The following CFAP46 variants were observed in gnomAD, a reference collection of about 807,000 sequenced individuals.
CFAP46 encodes the protein cilia- and flagella-associated protein 46.
Under a neutral mutation model 325.7 loss-of-function variants are expected in CFAP46, and 245 were observed. That is an observed-to-expected ratio of 0.75 (90% CI 0.68 to 0.84). The LOEUF (loss-of-function observed/expected upper bound fraction) is 0.84. CFAP46 is among the 40% of genes least tolerant of loss of function. The pLI is 0.00. For synonymous variants in CFAP46, 1,523 were observed against 1,495.9 expected (o/e 1.02, Z -0.42); for missense variants, 3,346 against 3,543.0 (o/e 0.94, Z 1.41).
intron 35 of CFAP46, among the ~76,000 whole-genome samples, chr10:132,864,579 CCCTG>C (rs1385327012): frequency 7.5e-6 from 1 of 132,468 alleles, no homozygotes; most frequent in Admixed American, 7.3e-5. Flanking sequence ...ACATCTGTCC[CCCTG>C]CCTGAGACCT....
chr10:132,920,965 C>T (rs1161404084), intron 13 of CFAP46, among the ~76,000 whole-genome samples: 1 of 152,232 alleles, frequency 6.6e-6, no homozygotes, highest in Admixed American at 6.5e-5. Context: ...GCAGCTGCTC[C>T]TCAAACTCAT....
rs751175547 is a variant in CFAP46, at chr10:132,833,445, A to G, written c.7030T>C (p.Ser2344Pro). ...HLLELPLEGLSVFDEGTISSV... is the reference protein window; with the variant it reads ...HLLELPLEGLPVFDEGTISSV... ...GAAATTGTCCCTTCATCGAACACAG[A>G]GAGACCTTCCAGTGGCAGCTCCAGG... is the stretch of plus-strand genomic sequence containing the variant. The change falls in exon 50 of 58, where the codon TCT (serine) becomes CCT (proline). Residue 2344 changes from serine to proline, a missense_variant. Ser to Pro is a moderately conservative substitution (Grantham distance 74, BLOSUM62 -1). Coordinates refer to ENST00000368586, the MANE Select transcript of CFAP46 (RefSeq NM_001200049.3). 6.2e-7 allele frequency: 1 copy of G among 1,614,238 alleles called. No individual in the cohort carries two copies. The highest frequency in any genetic ancestry group is 8.5e-7 in the Non-Finnish European group (1 of 1,180,050).
chr10:132,837,142 A>G, intron 44 of CFAP46: 1 of 504,868 alleles, frequency 2.0e-6, no homozygotes, highest in South Asian at 2.8e-5. Context: ...CCAAAATGTC[A>G]TTTCTCTCCG....
At chr10:132,854,089 TG>T (rs1395862499) in intron 39 of CFAP46, among the ~76,000 whole-genome samples, 4 of 152,202 alleles carry the variant, frequency 2.6e-5, no homozygotes, top group African/African-American at 9.6e-5. Flanking sequence ...TTTTGTAAGG[TG>T]CAGGCTGAAG....
At position 132,832,394 on chromosome 10, in the gene CFAP46, C is replaced by CT. The variant is rs201030035; in HGVS notation, c.7117+963_7117+964insA. On this transcript the variant is annotated intron_variant, in intron 50 of 57. Coordinates refer to ENST00000368586, the MANE Select transcript of CFAP46 (RefSeq NM_001200049.3). The surrounding 1 kb of genome is among the most constrained non-coding windows in gnomAD (Gnocchi z 4.1). ...AGACCCCTGGGCTCTTCCTGCCCCCCCCCCCCAATGCTGTGGCCTGGAAAT... is the reference window on the plus strand; with the variant it reads ...AGACCCCTGGGCTCTTCCTGCCCCCCTCCCCCCAATGCTGTGGCCTGGAAAT... Among the ~76,000 whole-genome samples, 83 of 139,562 alleles carry CT rather than the reference C, an allele frequency of 5.9e-4. 4 individuals are homozygous for CT. The East Asian group carries it at 0.018, about 31-fold the overall frequency. The allele number at this position is 139,562 out of a possible 152,430, so 91.6% of individuals were successfully genotyped here.
At chr10:132,885,315 G>C in intron 26 of CFAP46, 29 bp from the exon 27 acceptor site, 3 of 1,521,780 alleles carry the variant, frequency 2.0e-6, no homozygotes, top group South Asian at 1.2e-5. Context: ...AGAAACCAAC[G>C]TCAGGATCGG....
Position 132,876,824 on chromosome 10 carries a change from A to C in CFAP46, c.4350T>G (p.Ser1450Arg), listed in dbSNP as rs1848963440. 2 of 1,549,514 alleles carry C rather than the reference A, an allele frequency of 1.3e-6. No individual in the cohort carries two copies. Among genetic ancestry groups the C allele is most frequent in the East Asian group, 4.9e-5 (2 of 40,914 alleles). Residue 1450 changes from serine to arginine, a missense_variant, in exon 31 of 58, where the codon AGT becomes AGG. Ser to Arg is a moderately radical substitution (Grantham distance 110). Transcript: ENST00000368586. The surrounding 1 kb of genome is among the most constrained non-coding windows in gnomAD (Gnocchi z 4.1). ...TATGTCAACGTACCGGCTTCTGGATACTTGAGGGGTTCACAGTAGAGTCAC... is the reference window on the plus strand; with the variant it reads ...TATGTCAACGTACCGGCTTCTGGATCCTTGAGGGGTTCACAGTAGAGTCAC... ...DRSDSTVNPS[S>R]IQKPTYSLYF...
intron 24 of CFAP46, among the ~76,000 whole-genome samples, chr10:132,898,226 G>A (rs1849343783): frequency 6.6e-6 from 1 of 152,194 alleles, no homozygotes; most frequent in Admixed American, 6.5e-5. Flanking sequence ...CTCCCAGCAG[G>A]GAGCTGCATC....
Position 132,835,290 on chromosome 10 carries a change from C to T in CFAP46, c.6744+14G>A. On this transcript the variant is annotated intron_variant, in intron 47 of 57. Transcript: ENST00000368586. The stretch of plus-strand genomic sequence containing the variant: ...GGGTCCCGGCTGGGTGGCTTGGAGC[C>T]TGGAGGGCCTCACCGAGCCTATGTT... 6.2e-7 allele frequency: 1 copy of T among 1,611,530 alleles called. No homozygotes were observed.
At position 132,876,789 on chromosome 10, in the gene CFAP46, G is replaced by A; in HGVS notation, c.4362+23C>T. 1 of 1,544,944 alleles carries A rather than the reference G, an allele frequency of 6.5e-7. No homozygotes were observed. The highest frequency in any genetic ancestry group is 2.4e-5 in the East Asian group (1 of 40,890). On this transcript the variant is annotated intron_variant, in intron 31 of 57. Coordinates refer to ENST00000368586, the MANE Select transcript of CFAP46 (RefSeq NM_001200049.3). This position sits in a 1 kb window ranked among gnomAD's most constrained non-coding sequence, Gnocchi z 4.1. ...CACCATGCTGTGACCAAGGTCTTGA[G>A]CCTTTTCTTTATGTCAACGTACCGG...
chr10:132,823,210 CTGA>C (rs1460733739), intron 50 of CFAP46, among the ~76,000 whole-genome samples: 30 of 112,372 alleles, frequency 2.7e-4, no homozygotes, highest in African/African-American at 5.7e-4. Context: ...TGTGTGTGTG[CTGA>C]TGTGTGCTGT....
intron 19 of CFAP46, among the ~76,000 whole-genome samples, chr10:132,912,414 ATC>A (rs202173092): frequency 0.01 from 627 of 60,762 alleles, 12 homozygotes; most frequent in African/African-American, 0.038. Context: ...CTCTCTGCTC[ATC>A]TCTCTCTCTC....
At chr10:132,849,670 TGA>T (rs1288012743) in intron 41 of CFAP46, among the ~76,000 whole-genome samples, 1 of 151,992 alleles carries the variant, frequency 6.6e-6, no homozygotes, top group Non-Finnish European at 1.5e-5. Flanking sequence ...GGCCCTGGGC[TGA>T]GAGTGAAGAA....
At chr10:132,908,990 G>T in intron 21 of CFAP46, 147 bp downstream of exon 21, 1 of 634,140 alleles carries the variant, frequency 1.6e-6, no homozygotes. Flanking sequence ...CGTCGAGGGG[G>T]CGCAGCTCCG....
At chr10:132,921,771 CAAGG>C (rs913483887) in intron 13 of CFAP46, among the ~76,000 whole-genome samples, 7 of 152,200 alleles carry the variant, frequency 4.6e-5, no homozygotes, top group African/African-American at 1.7e-4. Context: ...GTCCACAAGC[CAAGG>C]AAGAGCACTC....
In CFAP46 at chr10:132,869,295, A is replaced by G. The variant is rs775725076; in HGVS notation, c.4589T>C (p.Val1530Ala). The G allele has an allele frequency of 1.3e-4, 197 of 1,538,136 alleles. No homozygotes were observed. The highest frequency in any genetic ancestry group is 5.7e-4 in the Admixed American group (29 of 50,766). Residue 1530 changes from valine to alanine, a missense_variant, in exon 33 of 58, where the codon GTC (valine) becomes GCC (alanine). Transcript: ENST00000368586. This position sits in a 1 kb window ranked among gnomAD's most constrained non-coding sequence, Gnocchi z 6.2. ...ACACCTGGCCTGCTCCAGCTCGCTG[A>G]CGCACACCTGCCCGACCGCCTCTTC... is the stretch of plus-strand genomic sequence containing the variant. ...RHEEAVGQVC[V>A]SELEQASCRK...
intron 50 of CFAP46, among the ~76,000 whole-genome samples, chr10:132,823,296 TTGTGTGTGCTG>T (rs1462857886): frequency 2.0e-5 from 2 of 102,228 alleles, no homozygotes; most frequent in African/African-American, 4.0e-5. Context: ...GTGCTGTGTG[TTGTGTGTGCTG>T]TGTGAGTGCT....
chr10:132,906,200 G>C (rs1039472948), intron 22 of CFAP46, among the ~76,000 whole-genome samples: 1 of 152,236 alleles, frequency 6.6e-6, no homozygotes, highest in South Asian at 2.1e-4. Flanking sequence ...GGGGCACCAC[G>C]CATGGCAGTG....
Position 132,932,997 on chromosome 10 carries a change from T to A in CFAP46, c.866+1755A>T, listed in dbSNP as rs760806875. ...CACAGTGTCTCCAGACATTGCCAAA[T>A]GTCCTTGGGGAGCAGGTCTACATGT... On this transcript the variant is annotated intron_variant, in intron 8 of 57. Transcript: ENST00000368586. Among the ~76,000 whole-genome samples the A allele has an allele frequency of 1.6e-3, 249 of 152,338 alleles. 2 individuals are homozygous for A. In the Middle Eastern group the frequency reaches 0.034, roughly 21 times the overall value.
Sources: gnomAD v4.1 joint callset for allele counts (sites outside exome capture counted in the v4.1 genomes callset) on GRCh38, gnomAD v4.1.1 for gene constraint, Gnocchi (gnomAD v3.1) non-coding constraint, MANE v1.5 for transcripts, NCBI Gene and HGNC (gene_info 2026-07-23, HGNC 2026-07-21) for gene names.